MACROD2: variants seen among roughly 807,000 people sequenced by gnomAD.
MACROD2 encodes the protein mono-ADP ribosylhydrolase 2, also known as ADP-ribose glycohydrolase MACROD2.
In MACROD2, 36 loss-of-function variants were observed where a neutral mutation model predicts 70.4. The ratio of observed to expected loss-of-function variants is 0.51; its 90% CI spans 0.39 to 0.68. The LOEUF (loss-of-function observed/expected upper bound fraction) is 0.68. MACROD2 is among the 30% of genes least tolerant of loss of function. MACROD2 has a pLI of 0.00. For synonymous variants in MACROD2, 172 were observed against 178.8 expected (o/e 0.96, Z 0.30); for missense variants, 496 against 538.4 (o/e 0.92, Z 0.78).
At chr20:15,085,006 G>C (rs1330229126) in intron 5 of MACROD2, among the ~76,000 whole-genome samples, 1 of 152,086 alleles carries the variant, frequency 6.6e-6, no homozygotes, top group African/African-American at 2.4e-5. Flanking sequence ...CACACTTCCT[G>C]ATCTCAAAGT....
intron 8 of MACROD2, among the ~76,000 whole-genome samples, chr20:15,799,658 T>C (rs1004653728): frequency 2.6e-5 from 4 of 152,228 alleles, no homozygotes; most frequent in Non-Finnish European, 4.4e-5. Context: ...TTCCATTGTG[T>C]ATATAAACAT....
At chr20:14,215,088 CTATTCCATCATATATATCTATT>C (rs1389629020) in intron 3 of MACROD2, among the ~76,000 whole-genome samples, 11 of 143,926 alleles carry the variant, frequency 7.6e-5, no homozygotes, top group African/African-American at 2.6e-4. Flanking sequence ...TCATATATAT[CTATTCCATCATATATATCTATT>C]CCATCATATA....
rs373378728 is a variant in MACROD2 at position 16,048,124 on chromosome 20, A to G, written c.1301-1706A>G. Reference sequence around the variant, plus strand: ...CCTGGTGTATGTGGCAAATGGAAATATGAAACTACCCCATGGAATTTCTGC... The same window carrying G: ...CCTGGTGTATGTGGCAAATGGAAATGTGAAACTACCCCATGGAATTTCTGC... On this transcript the variant is annotated intron_variant, in intron 17 of 17. Coordinates refer to ENST00000684519, the MANE Select transcript of MACROD2 (RefSeq NM_001351661.2). 6.5e-4 allele frequency among the ~76,000 whole-genome samples: 99 copies of G among 152,338 alleles called. 5 individuals carry two copies. The South Asian group carries it at 0.02, about 31-fold the overall frequency.
intron 4 of MACROD2, among the ~76,000 whole-genome samples, chr20:14,677,852 G>A (rs535461188): frequency 4.0e-4 from 61 of 152,156 alleles, no homozygotes; most frequent in African/African-American, 1.4e-3. Flanking sequence ...GACATACCTA[G>A]GGCAATGAGC....
In MACROD2 at chr20:15,082,523, GTT is replaced by G. The variant is rs753606217; in HGVS notation, c.419-147395_419-147394del. Among the ~76,000 whole-genome samples the G allele has an allele frequency of 4.1e-3, 422 of 101,730 alleles. 3 individuals are homozygous for G. The highest frequency in any genetic ancestry group is 0.015 in the African/African-American group (374 of 24,810). 66.7% of individuals were successfully genotyped at this position (101,730 alleles called of 152,430 possible). A position where few individuals can be genotyped will look rare whatever the true frequency, so the allele number is the denominator to read the frequency against. On this transcript the variant is annotated intron_variant, in intron 5 of 17. Transcript: ENST00000684519. ...TTATCACAATGTCACACTGCAAGAGGTTTTTTTTTTTTTTTTTTTTTTTCCTA... is the reference window on the plus strand; with the variant it reads ...TTATCACAATGTCACACTGCAAGAGGTTTTTTTTTTTTTTTTTTTTTCCTA...
At chr20:15,050,069 A>G (rs2075427164) in intron 5 of MACROD2, among the ~76,000 whole-genome samples, 1 of 152,168 alleles carries the variant, frequency 6.6e-6, no homozygotes, top group Non-Finnish European at 1.5e-5. Context: ...CTACACAACC[A>G]GCTTCAGTTA....
At chr20:15,636,988 T>C (rs2049380273) in intron 8 of MACROD2, among the ~76,000 whole-genome samples, 1 of 152,138 alleles carries the variant, frequency 6.6e-6, no homozygotes. Flanking sequence ...GCTGAAGGTG[T>C]TTTGTGCAAA....
intron 8 of MACROD2, among the ~76,000 whole-genome samples, chr20:15,519,711 C>T (rs2047624637): frequency 6.6e-6 from 1 of 152,182 alleles, no homozygotes. Flanking sequence ...GAAGTGACCT[C>T]AGTTTAGAAA....
chr20:15,259,753 C>T (rs2077231847), intron 6 of MACROD2, among the ~76,000 whole-genome samples: 1 of 151,646 alleles, frequency 6.6e-6, no homozygotes, highest in South Asian at 2.1e-4. Flanking sequence ...ACACCATAGG[C>T]TTTTTTTTCC....
intron 4 of MACROD2, among the ~76,000 whole-genome samples, chr20:14,607,063 T>C (rs1256675754): frequency 6.6e-6 from 1 of 152,180 alleles, no homozygotes; most frequent in African/African-American, 2.4e-5. Context: ...CATATCTTAA[T>C]GTCATCTTTT....
intron 8 of MACROD2, among the ~76,000 whole-genome samples, chr20:15,590,449 G>A (rs1600639280): frequency 1.3e-5 from 2 of 152,194 alleles, no homozygotes; most frequent in Non-Finnish European, 1.5e-5. Flanking sequence ...GGAGCTTCTA[G>A]CCTCACTAAG....
chr20:15,239,378 T>A (rs1235269217), intron 6 of MACROD2, among the ~76,000 whole-genome samples: 1 of 152,116 alleles, frequency 6.6e-6, no homozygotes, highest in African/African-American at 2.4e-5. Context: ...AAAGAGGATT[T>A]TTTTTAATGG....
At chr20:14,549,374 T>C (rs6105288) in intron 4 of MACROD2, among the ~76,000 whole-genome samples, 6,965 of 152,286 alleles carry the variant, frequency 0.046, 237 homozygotes, top group African/African-American at 0.084. Context: ...AAATACTGTA[T>C]ATACTAGTTT....
chr20:15,377,957 A>G (rs894623857), intron 6 of MACROD2, among the ~76,000 whole-genome samples: 3 of 152,026 alleles, frequency 2.0e-5, no homozygotes, highest in African/African-American at 7.3e-5. Context: ...ACACATGGAC[A>G]CAGGGAGGGA....
At chr20:14,573,232 A>C (rs1201580730) in intron 4 of MACROD2, among the ~76,000 whole-genome samples, 1 of 152,092 alleles carries the variant, frequency 6.6e-6, no homozygotes, top group African/African-American at 2.4e-5. Flanking sequence ...TGAGTATAGT[A>C]ATACCTAAGA....
chr20:15,691,624 G>A (rs1777121425), intron 8 of MACROD2, among the ~76,000 whole-genome samples: 1 of 152,148 alleles, frequency 6.6e-6, no homozygotes, highest in Non-Finnish European at 1.5e-5. Flanking sequence ...GATTAAATGA[G>A]ATAATGCATG....
chr20:14,814,008 CTT>C (rs1568811251), intron 5 of MACROD2, among the ~76,000 whole-genome samples: 2 of 152,062 alleles, frequency 1.3e-5, no homozygotes, highest in Admixed American at 1.3e-4. Flanking sequence ...AAAATACACT[CTT>C]ATCACTCCAG....
intron 3 of MACROD2, among the ~76,000 whole-genome samples, chr20:14,178,796 A>G (rs994868): frequency 0.54 from 80,243 of 148,204 alleles, 22,884 homozygotes; most frequent in Non-Finnish European, 0.62. Flanking sequence ...ATGTAGAGAA[A>G]GTTTGGTCTC....
At chr20:14,847,326 G>A (rs1011066779) in intron 5 of MACROD2, among the ~76,000 whole-genome samples, 1 of 152,006 alleles carries the variant, frequency 6.6e-6, no homozygotes, top group African/African-American at 2.4e-5. Context: ...TCTAGTTTTC[G>A]ACCTTAAGTT....
Sources: gnomAD v4.1 joint callset for allele counts (sites outside exome capture counted in the v4.1 genomes callset) on GRCh38, gnomAD v4.1.1 for gene constraint, MANE v1.5 for transcripts, NCBI Gene and HGNC (gene_info 2026-07-23, HGNC 2026-07-21) for gene names.